Variants in TTC7B observed in about 807,000 individuals in gnomAD.
The protein encoded by TTC7B is tetratricopeptide repeat domain 7B.
A neutral mutation model predicts 106.8 loss-of-function variants in TTC7B; 28 were observed. That is an observed-to-expected ratio of 0.26 (90% CI 0.19 to 0.36). The LOEUF is 0.36. TTC7B is among the 10% of genes least tolerant of loss of function. The pLI is 1.00. For missense variants in TTC7B, 862 were observed against 1,076.4 expected (o/e 0.80, Z 2.79); for synonymous variants, 405 against 430.6 (o/e 0.94, Z 0.74).
intron 19 of TTC7B, among the ~76,000 whole-genome samples, chr14:90,563,322 G>A (rs1024147669): frequency 4.6e-5 from 7 of 152,316 alleles, no homozygotes; most frequent in South Asian, 2.1e-4. Flanking sequence ...AATCGAGCAA[G>A]TCCCAGGAAC....
chr14:90,731,859 T>C (rs1486652362), intron 4 of TTC7B, among the ~76,000 whole-genome samples: 3 of 152,220 alleles, frequency 2.0e-5, no homozygotes, highest in Non-Finnish European at 4.4e-5. Context: ...AATTTCCAAC[T>C]CACATATCCA....
chr14:90,734,088 A>G (rs752241216), intron 4 of TTC7B, among the ~76,000 whole-genome samples: 5 of 152,196 alleles, frequency 3.3e-5, no homozygotes, highest in Non-Finnish European at 5.9e-5. Context: ...AAATTATGGC[A>G]ATAAGGCATG....
At chr14:90,579,626 C>T (rs1043500060) in intron 18 of TTC7B, among the ~76,000 whole-genome samples, 3 of 152,042 alleles carry the variant, frequency 2.0e-5, no homozygotes, top group Non-Finnish European at 2.9e-5. Context: ...GGGGAAACCC[C>T]GTCTCTACCA....
In TTC7B at chr14:90,600,863, C is replaced by T. The variant is rs1425381509; in HGVS notation, c.1967-7237G>A. Among the ~76,000 whole-genome samples the T allele has an allele frequency of 6.6e-6, 1 of 152,230 alleles. No homozygotes were observed. Among genetic ancestry groups the T allele is most frequent in the Admixed American group, 6.5e-5 (1 of 15,292 alleles). ...TCTGGAGGACTACATTGGGCAGATGCTTCCATCTCCACCTGAACCCTCCCT... is the reference window on the plus strand; with the variant it reads ...TCTGGAGGACTACATTGGGCAGATGTTTCCATCTCCACCTGAACCCTCCCT... On this transcript the variant is annotated intron_variant, in intron 17 of 19. Coordinates refer to ENST00000328459, the MANE Select transcript of TTC7B (RefSeq NM_001010854.2). This position sits in a 1 kb window ranked among gnomAD's most constrained non-coding sequence, Gnocchi z 4.3.
At chr14:90,556,492 T>C (rs1890312485) in intron 19 of TTC7B, among the ~76,000 whole-genome samples, 1 of 152,178 alleles carries the variant, frequency 6.6e-6, no homozygotes, top group Admixed American at 6.5e-5. Context: ...TTGCTGGTAC[T>C]TTTCCACTGG....
chr14:90,767,103 C>T (rs1890715277), intron 3 of TTC7B: 1 of 612,730 alleles, frequency 1.6e-6, no homozygotes, highest in Non-Finnish European at 2.8e-6. Context: ...CCTGTAACTG[C>T]AGCACTTTGG....
Position 90,524,970 on chromosome 14 carries a change from G to A in TTC7B, c.*16398C>T, listed in dbSNP as rs66530036. ...ACGTAGTAAAGCGCAAGCATTTAAA[G>A]TATACAGTTCAATATGTCTTGACAT... is the stretch of plus-strand genomic sequence containing the variant. On this transcript the variant is annotated 3_prime_UTR_variant, in exon 20 of 20. Coordinates refer to ENST00000328459, the MANE Select transcript of TTC7B (RefSeq NM_001010854.2). The A allele has an allele frequency of 0.29, 43,784 of 151,916 alleles. 6,627 individuals carry two copies. Among genetic ancestry groups the A allele is most frequent in the Admixed American group, 0.33 (5,067 of 15,280 alleles). 9.4% of individuals were successfully genotyped at this position (151,916 alleles called of 1,614,324 possible).
At chr14:90,658,552 A>G (rs544334560) in intron 9 of TTC7B, among the ~76,000 whole-genome samples, 165 bp from the exon 10 acceptor site, 1 of 152,338 alleles carries the variant, frequency 6.6e-6, no homozygotes, top group South Asian at 2.1e-4. Context: ...CGGAGTCCCC[A>G]CACAGGATGA....
chr14:90,787,687 G>C lies in TTC7B; in HGVS notation c.122-1359C>G, dbSNP rs545103542. 6.2e-4 allele frequency among the ~76,000 whole-genome samples: 95 copies of C among 152,310 alleles called. 2 individuals carry two copies. The Middle Eastern group carries it at 0.014, about 22-fold the overall frequency. ...GCTAAAACAAAAGCCTTTTCCACAT[G>C]TTCTGAGAAGTTGGCCCAAAACTGC... On this transcript the variant is annotated intron_variant, in intron 1 of 19. Coordinates refer to ENST00000328459, the MANE Select transcript of TTC7B (RefSeq NM_001010854.2).
At chr14:90,562,374 A>T (rs1221025263) in intron 19 of TTC7B, among the ~76,000 whole-genome samples, 2 of 152,152 alleles carry the variant, frequency 1.3e-5, no homozygotes, top group African/African-American at 4.8e-5. Context: ...CCCACCTTGG[A>T]CTGTCAACGT....
At chr14:90,603,354 G>A in intron 17 of TTC7B, 2 of 1,232,996 alleles carry the variant, frequency 1.6e-6, no homozygotes, top group Non-Finnish European at 2.1e-6. Flanking sequence ...CAAAACATTT[G>A]AAAAATCAAA....
chr14:90,799,599 C>T (rs955942044), intron 1 of TTC7B, among the ~76,000 whole-genome samples: 3 of 152,064 alleles, frequency 2.0e-5, no homozygotes, highest in African/African-American at 7.2e-5. Flanking sequence ...GAAGAGCATT[C>T]CAGGAGAGGG....
intron 8 of TTC7B, among the ~76,000 whole-genome samples, chr14:90,680,062 T>C (rs897599002): frequency 6.6e-6 from 1 of 152,182 alleles, no homozygotes; most frequent in Admixed American, 6.5e-5. Context: ...TATCCCAAAA[T>C]TCTCGCCCAC....
At chr14:90,640,914 T>C (rs1351336420) in intron 15 of TTC7B, among the ~76,000 whole-genome samples, 1 of 152,222 alleles carries the variant, frequency 6.6e-6, no homozygotes, top group African/African-American at 2.4e-5. Flanking sequence ...TGTCCCATTG[T>C]AAGACTGCAC....
chr14:90,804,811 G>C (rs74085566), intron 1 of TTC7B, among the ~76,000 whole-genome samples: 1,702 of 152,364 alleles, frequency 0.011, 37 homozygotes, highest in African/African-American at 0.039. Context: ...AAGGGCCAGG[G>C]GGGTAGTTCC....
chr14:90,789,886 A>C, intron 1 of TTC7B, among the ~76,000 whole-genome samples: 1 of 142,534 alleles, frequency 7.0e-6, no homozygotes, highest in Non-Finnish European at 1.6e-5. Context: ...ACAGAGCGAG[A>C]CTCTGTCTCA....
chr14:90,782,598 C>CA (rs1200500862), intron 2 of TTC7B, among the ~76,000 whole-genome samples: 2 of 151,636 alleles, frequency 1.3e-5, no homozygotes, highest in Admixed American at 6.6e-5. Flanking sequence ...GACTCTGTCT[C>CA]AAAAAAAAGC....
rs1023132609 is a variant in TTC7B, at chr14:90,702,530, T to TA, written c.699-6953dup. On this transcript the variant is annotated intron_variant, in intron 5 of 19. Transcript: ENST00000328459. The stretch of plus-strand genomic sequence containing the variant: ...TAGCCTCAAAACTCTATCATTGTTT[T>TA]AAAAAAAAAAAACTTTTGGAATTCT... Among the ~76,000 whole-genome samples the TA allele has an allele frequency of 4.2e-3, 626 of 147,478 alleles. 3 individuals are homozygous for TA. The highest frequency in any genetic ancestry group is 0.012 in the African/African-American group (491 of 40,546).
intron 9 of TTC7B, among the ~76,000 whole-genome samples, chr14:90,668,424 T>C (rs775641058): frequency 3.9e-5 from 6 of 152,158 alleles, no homozygotes; most frequent in Non-Finnish European, 7.4e-5. Context: ...TCTCCCTGAC[T>C]CCAGGGCTGA....
Sources: gnomAD v4.1 joint callset for allele counts (sites outside exome capture counted in the v4.1 genomes callset) on GRCh38, gnomAD v4.1.1 for gene constraint, Gnocchi (gnomAD v3.1) non-coding constraint, MANE v1.5 for transcripts, NCBI Gene and HGNC (gene_info 2026-07-23, HGNC 2026-07-21) for gene names.